Variants in PLA2R1 observed in about 807,000 individuals in gnomAD.
PLA2R1 encodes the protein secretory phospholipase A2 receptor.
A neutral mutation model predicts 195.9 loss-of-function variants in PLA2R1; 158 were observed. The observed-to-expected ratio is 0.81, with a 90% confidence interval of 0.71 to 0.92. The LOEUF (loss-of-function observed/expected upper bound fraction) is 0.92, where lower values mean the gene tolerates loss of function less well. PLA2R1 is among the 40% of genes least tolerant of loss of function. PLA2R1 has a pLI of 0.00. For missense variants in PLA2R1, 1,626 were observed against 1,764.6 expected (o/e 0.92, Z 1.41); for synonymous variants, 586 against 598.2 (o/e 0.98, Z 0.30).
At chr2:159,993,453 TACACACAC>T (rs3063677) in intron 11 of PLA2R1, among the ~76,000 whole-genome samples, 1 of 148,198 alleles carries the variant, frequency 6.7e-6, no homozygotes, top group African/African-American at 2.5e-5. Context: ...GTGTTTAATT[TACACACAC>T]ACACACACAC....
intron 17 of PLA2R1, 71 bp from the exon 18 acceptor site, chr2:159,970,283 G>T (rs901569061): frequency 2.3e-5 from 22 of 945,562 alleles, no homozygotes; most frequent in South Asian, 4.6e-5. Flanking sequence ...TAATGGGGTT[G>T]CTGCTAATAG....
In PLA2R1 at chr2:159,951,593, G is replaced by T; in HGVS notation, c.3302-15C>A. ...TCCAGAAGTATCTAGAACAAGAACA[G>T]CAACAAAAGTCATTTGCAGCATCTG... On this transcript the variant is annotated splice_polypyrimidine_tract_variant and intron_variant, in intron 23 of 29. Transcript: ENST00000283243. The T allele has an allele frequency of 7.7e-7, 1 of 1,296,146 alleles. No homozygotes were observed. The highest frequency in any genetic ancestry group is 1.1e-6 in the Non-Finnish European group (1 of 888,252). The allele number at this position is 1,296,146 out of a possible 1,614,324, so 80.3% of individuals were successfully genotyped here.
chr2:160,049,428 T>C (rs1204258822), intron 1 of PLA2R1, among the ~76,000 whole-genome samples: 1 of 152,218 alleles, frequency 6.6e-6, no homozygotes, highest in East Asian at 1.9e-4. Flanking sequence ...CTGGGTAAGA[T>C]GCTAGAGATA....
At chr2:160,026,317 T>C in intron 6 of PLA2R1, among the ~76,000 whole-genome samples, 1 of 152,332 alleles carries the variant, frequency 6.6e-6, no homozygotes, top group South Asian at 2.1e-4. Flanking sequence ...TATTATGGAA[T>C]ACAATTTAAA....
chr2:159,980,158 T>C (rs957395601), intron 13 of PLA2R1, among the ~76,000 whole-genome samples: 1 of 152,184 alleles, frequency 6.6e-6, no homozygotes. Flanking sequence ...TTGAACATTT[T>C]AAATGTGCAA....
chr2:159,969,217 G>T (rs1688982379), intron 19 of PLA2R1, 39 bp downstream of exon 19: 1 of 982,786 alleles, frequency 1.0e-6, no homozygotes. Flanking sequence ...AAAATTATCA[G>T]TTTGTATTAT....
intron 10 of PLA2R1, among the ~76,000 whole-genome samples, chr2:160,012,320 C>T (rs1692416514): frequency 1.3e-5 from 2 of 152,168 alleles, no homozygotes; most frequent in South Asian, 4.1e-4. Flanking sequence ...CCAGGTGTTC[C>T]AGCCCCCACT....
chr2:160,030,918 T>G (rs2105516888), intron 4 of PLA2R1, among the ~76,000 whole-genome samples: 1 of 152,318 alleles, frequency 6.6e-6, no homozygotes, highest in East Asian at 1.9e-4. Context: ...TATTCAAATT[T>G]GATGAATAAG....
At chr2:159,969,203 C>G in intron 19 of PLA2R1, 53 bp downstream of exon 19, 1 of 853,204 alleles carries the variant, frequency 1.2e-6, no homozygotes, top group Non-Finnish European at 2.0e-6. Context: ...CTTTAAGCCT[C>G]CTGAAAATTA....
intron 13 of PLA2R1, among the ~76,000 whole-genome samples, chr2:159,983,469 C>A (rs1412616480): frequency 7.8e-6 from 1 of 128,416 alleles, no homozygotes. Context: ...TTTTTTTTTT[C>A]CAAACAAAAT....
chr2:159,924,653 C>G, the PLA2R1 span, among the ~76,000 whole-genome samples: 1 of 143,052 alleles, frequency 7.0e-6, no homozygotes, highest in Non-Finnish European at 1.5e-5. Flanking sequence ...GCTTTGGGCA[C>G]CAAATGCCAA....
intron 3 of PLA2R1, among the ~76,000 whole-genome samples, chr2:160,034,434 C>G (rs1050905951): frequency 2.0e-5 from 3 of 152,160 alleles, no homozygotes; most frequent in African/African-American, 7.2e-5. Flanking sequence ...GGGAAATTTT[C>G]AGTAACCATT....
intron 17 of PLA2R1, among the ~76,000 whole-genome samples, chr2:159,975,807 C>G (rs143700429): frequency 6.6e-6 from 1 of 152,138 alleles, no homozygotes; most frequent in African/African-American, 2.4e-5. Flanking sequence ...TCTCGACGTG[C>G]TCACCATTGT....
chr2:159,989,420 C>T (rs961925462), intron 11 of PLA2R1, among the ~76,000 whole-genome samples: 5 of 152,184 alleles, frequency 3.3e-5, no homozygotes, highest in Admixed American at 3.3e-4. Context: ...AGGGAACGCA[C>T]ACATCCTGCT....
At chr2:160,041,894 G>C (rs983269239) in intron 3 of PLA2R1, 131 bp downstream of exon 3, 6 of 697,782 alleles carry the variant, frequency 8.6e-6, no homozygotes, top group Non-Finnish European at 1.4e-5. Flanking sequence ...ATCAAAATCT[G>C]TGTTAATAGC....
downstream of PLA2R1, among the ~76,000 whole-genome samples, chr2:159,930,849 G>C (rs569417128): frequency 6.6e-6 from 1 of 152,286 alleles, no homozygotes; most frequent in African/African-American, 2.4e-5. Flanking sequence ...ATAGGGGACT[G>C]TTTCTCTTCC....
rs1279325789 is a variant in PLA2R1 at position 160,005,671 on chromosome 2, G to A, written c.1815C>T (p.His605=). 2 of 1,614,040 alleles carry A rather than the reference G, an allele frequency of 1.2e-6. No homozygotes were observed. Among genetic ancestry groups the A allele is most frequent in the East Asian group, 2.2e-5 (1 of 44,874 alleles). Residue 605 remains histidine, a synonymous_variant, in exon 11 of 30, where the codon CAC becomes CAT. Transcript: ENST00000283243. ...GQKPEPVQYT[H]WNTHQPRYSG... is the part of the protein sequence containing the mutation. The stretch of plus-strand genomic sequence containing the variant: ...ACTCACGCGGCTGGTGTGTGTTCCA[G>A]TGTGTGTACTGCACCGGCTCGGGTT...
intron 28 of PLA2R1, 113 bp from the exon 29 acceptor site, chr2:159,942,272 A>C: frequency 1.3e-6 from 1 of 765,674 alleles, no homozygotes; most frequent in Non-Finnish European, 2.2e-6. Context: ...TTTTATAAAA[A>C]ATGTTTTACT....
intron 1 of PLA2R1, among the ~76,000 whole-genome samples, chr2:160,057,161 G>T (rs1461610163): frequency 6.6e-6 from 1 of 152,144 alleles, no homozygotes; most frequent in Non-Finnish European, 1.5e-5. Flanking sequence ...GGAAGCTAAG[G>T]GAGCTACAGA....
Sources: gnomAD v4.1 joint callset for allele counts (sites outside exome capture counted in the v4.1 genomes callset) on GRCh38, gnomAD v4.1.1 for gene constraint, MANE v1.5 for transcripts, NCBI Gene and HGNC (gene_info 2026-07-23, HGNC 2026-07-21) for gene names.